The following NCOA2 variants were observed in gnomAD, a reference collection of about 807,000 sequenced individuals.
The protein encoded by NCOA2 is nuclear receptor coactivator 2.
In NCOA2, 21 loss-of-function variants were observed where a neutral mutation model predicts 145.1. The ratio of observed to expected loss-of-function variants is 0.14; its 90% confidence interval spans 0.10 to 0.21. NCOA2 has a LOEUF of 0.21. Among genes scored for constraint, NCOA2 ranks in the 10% least tolerant of loss-of-function variants. The pLI is 1.00. For missense variants in NCOA2, 1,472 were observed against 1,837.6 expected, an observed-to-expected ratio of 0.80 and a Z score of 3.64; for synonymous variants, 619 against 637.5, an observed-to-expected ratio of 0.97 and a Z score of 0.44.
At chr8:70,178,773 G>A (rs1815148928) in intron 4 of NCOA2, among the ~76,000 whole-genome samples, 1 of 152,224 alleles carries the variant, frequency 6.6e-6, no homozygotes, top group Admixed American at 6.5e-5. Context: ...GGATTCTGCA[G>A]GATATGCAAG....
At chr8:70,304,237 T>G (rs1158142512) in intron 1 of NCOA2, among the ~76,000 whole-genome samples, 1 of 152,216 alleles carries the variant, frequency 6.6e-6, no homozygotes, top group Non-Finnish European at 1.5e-5. Context: ...ATATTTTTAC[T>G]GCACTTTTTT....
chr8:70,135,530 A>T (rs1478036527), intron 15 of NCOA2, among the ~76,000 whole-genome samples: 1 of 152,208 alleles, frequency 6.6e-6, no homozygotes, highest in African/African-American at 2.4e-5. Context: ...GCTTGGTGTT[A>T]TAAATTTGGG....
chr8:70,382,856 T>G (rs979298088), intron 1 of NCOA2, among the ~76,000 whole-genome samples: 1 of 152,208 alleles, frequency 6.6e-6, no homozygotes, highest in African/African-American at 2.4e-5. Flanking sequence ...TAATAATACT[T>G]CGCAATTTTA....
intron 1 of NCOA2, among the ~76,000 whole-genome samples, chr8:70,386,804 T>C (rs1269911878): frequency 6.6e-6 from 1 of 152,182 alleles, no homozygotes; most frequent in East Asian, 1.9e-4. Flanking sequence ...ATTATCCCCA[T>C]CCAACAAAAA....
chr8:70,318,102 A>G (rs1238490031), intron 1 of NCOA2, among the ~76,000 whole-genome samples: 1 of 152,184 alleles, frequency 6.6e-6, no homozygotes, highest in Non-Finnish European at 1.5e-5. Flanking sequence ...AAGTCTTATA[A>G]AAGTTAGGCC....
At chr8:70,248,116 T>G in intron 2 of NCOA2, among the ~76,000 whole-genome samples, 1 of 152,244 alleles carries the variant, frequency 6.6e-6, no homozygotes, top group East Asian at 1.9e-4. Context: ...TTTAACATTT[T>G]ATGATGGTGG....
In NCOA2 at chr8:70,145,735, T is replaced by A. The variant is rs113333506; in HGVS notation, c.2606-887A>T. Among the ~76,000 whole-genome samples, 467 of 152,124 alleles carry A rather than the reference T, an allele frequency of 3.1e-3. 5 individuals are homozygous for A. Among genetic ancestry groups the A allele is most frequent in the African/African-American group, 0.011 (454 of 41,466 alleles). On this transcript the variant is annotated intron_variant, in intron 12 of 22. Coordinates refer to ENST00000452400, the MANE Select transcript of NCOA2 (RefSeq NM_006540.4). ...CTGGGCTTAAGAAAAGGTTAAGAGA[T>A]CCTCTTGCCTCAGCTTTCTGAGTAG...
At chr8:70,424,232 G>T in the NCOA2 span, 1 of 376,352 alleles carries the variant, frequency 2.7e-6, no homozygotes, top group Non-Finnish European at 5.1e-6. Flanking sequence ...CTACAGGCTG[G>T]AATCTTCTTC....
intron 1 of NCOA2, among the ~76,000 whole-genome samples, chr8:70,357,859 T>C (rs753235465): frequency 6.6e-6 from 1 of 151,980 alleles, no homozygotes; most frequent in Non-Finnish European, 1.5e-5. Context: ...AATACCAGCC[T>C]GGGCAACATG....
At chr8:70,319,401 G>C (rs1805867044) in intron 1 of NCOA2, among the ~76,000 whole-genome samples, 2 of 151,970 alleles carry the variant, frequency 1.3e-5, no homozygotes, top group East Asian at 1.9e-4. Flanking sequence ...AATTTGCCAG[G>C]CATGGTGGTG....
chr8:70,143,088 T>A (rs1810638888), intron 13 of NCOA2, among the ~76,000 whole-genome samples: 1 of 152,138 alleles, frequency 6.6e-6, no homozygotes, highest in Non-Finnish European at 1.5e-5. Context: ...TAGCCGGGAT[T>A]ACAGGTGCAC....
At chr8:70,411,263 C>T in the NCOA2 span, among the ~76,000 whole-genome samples, 1 of 152,056 alleles carries the variant, frequency 6.6e-6, no homozygotes, top group East Asian at 1.9e-4. Context: ...CAACATTGTA[C>T]AGGCAGTTCT....
In NCOA2 at chr8:70,260,249, C is replaced by T. The variant is rs545403301; in HGVS notation, c.-20+36495G>A. Among the ~76,000 whole-genome samples the T allele has an allele frequency of 2.6e-4, 40 of 152,212 alleles. 1 individual carries two copies. The highest frequency in any genetic ancestry group is 2.5e-3 in the Admixed American group (38 of 15,284). ...CTGGAGAACAGTGGTGTTATCACAG[C>T]TCACCGCAGCCTCGACCTCCTGGGT... On this transcript the variant is annotated intron_variant, in intron 2 of 22. Coordinates refer to ENST00000452400, the MANE Select transcript of NCOA2 (RefSeq NM_006540.4).
the NCOA2 span, among the ~76,000 whole-genome samples, chr8:70,412,643 G>A: frequency 1.1e-4 from 11 of 100,304 alleles, no homozygotes; most frequent in East Asian, 2.1e-3. Flanking sequence ...GCACTACTTC[G>A]TCTCAAAAAA....
At chr8:70,196,345 C>T (rs1218254482) in intron 4 of NCOA2, among the ~76,000 whole-genome samples, 8 of 152,138 alleles carry the variant, frequency 5.3e-5, no homozygotes, top group African/African-American at 1.9e-4. Flanking sequence ...CATTGCACTC[C>T]AGCCTGGGCA....
At chr8:70,437,168 C>A in the NCOA2 span, among the ~76,000 whole-genome samples, 1 of 152,226 alleles carries the variant, frequency 6.6e-6, no homozygotes, top group Non-Finnish European at 1.5e-5. Flanking sequence ...CTGGCTGGAA[C>A]AACTTTGTAC....
At chr8:70,283,822 A>G (rs1563721303) in intron 2 of NCOA2, among the ~76,000 whole-genome samples, 2 of 152,156 alleles carry the variant, frequency 1.3e-5, no homozygotes, top group East Asian at 3.8e-4. Context: ...GAAATCCTGT[A>G]CGTTCCAGTG....
At chr8:70,301,466 G>C (rs1000221859) in intron 1 of NCOA2, among the ~76,000 whole-genome samples, 8 of 151,418 alleles carry the variant, frequency 5.3e-5, no homozygotes, top group Non-Finnish European at 1.2e-4. Context: ...CCAGCTTGGG[G>C]CAACAAGGTA....
At chr8:70,348,957 C>A (rs1808923489) in intron 1 of NCOA2, among the ~76,000 whole-genome samples, 1 of 137,032 alleles carries the variant, frequency 7.3e-6, no homozygotes, top group South Asian at 2.2e-4. Flanking sequence ...ATTAAAAGGG[C>A]ATACTGGCAT....
Sources: allele counts gnomAD v4.1 joint callset (sites outside exome capture counted in the v4.1 genomes callset), GRCh38; gene constraint gnomAD v4.1.1; transcripts MANE v1.5; gene names NCBI Gene and HGNC (gene_info 2026-07-23, HGNC 2026-07-21).